The following AKAP19 variants were observed in gnomAD, a reference collection of about 807,000 sequenced individuals.
The protein encoded by AKAP19 is A-kinase anchoring protein 19.
the AKAP19 span, among the ~76,000 whole-genome samples, chr2:190,052,428 A>C: frequency 1.3e-5 from 2 of 152,290 alleles, no homozygotes; most frequent in African/African-American, 4.8e-5. Flanking sequence ...TCAGAATTCT[A>C]TCTCAGCATT....
the AKAP19 span, among the ~76,000 whole-genome samples, chr2:190,049,127 T>C: frequency 6.6e-6 from 1 of 151,926 alleles, no homozygotes; most frequent in African/African-American, 2.4e-5. Context: ...AAAAGAGAAA[T>C]AGAAATCTTG....
chr2:189,920,464 C>A, the AKAP19 span, among the ~76,000 whole-genome samples: 1 of 152,194 alleles, frequency 6.6e-6, no homozygotes, highest in Admixed American at 6.5e-5. Flanking sequence ...TCACACCCAG[C>A]AGCAAGCAAG....
At chr2:190,198,911 C>T in the AKAP19 span, among the ~76,000 whole-genome samples, 1 of 152,172 alleles carries the variant, frequency 6.6e-6, no homozygotes, top group Non-Finnish European at 1.5e-5. Context: ...ATTGACCAAA[C>T]ATCAAACAAG....
At chr2:190,159,226 C>T in the AKAP19 span, among the ~76,000 whole-genome samples, 1 of 152,254 alleles carries the variant, frequency 6.6e-6, no homozygotes, top group African/African-American at 2.4e-5. Context: ...CTAAGGGTCC[C>T]AGGCACTTGG....
At chr2:190,144,468 A>T in the AKAP19 span, among the ~76,000 whole-genome samples, 1 of 152,202 alleles carries the variant, frequency 6.6e-6, no homozygotes, top group Non-Finnish European at 1.5e-5. Flanking sequence ...TGATTCAAAT[A>T]TAAAAATATG....
chr2:190,034,869 A>G, the AKAP19 span, among the ~76,000 whole-genome samples: 1 of 151,174 alleles, frequency 6.6e-6, no homozygotes. Flanking sequence ...AAAAAAAAAA[A>G]AAAAAAAAAA....
the AKAP19 span, among the ~76,000 whole-genome samples, chr2:190,154,086 G>T: frequency 6.6e-6 from 1 of 152,140 alleles, no homozygotes; most frequent in African/African-American, 2.4e-5. Flanking sequence ...CGAAATTTCA[G>T]TATTATCTTA....
At chr2:189,888,668 G>A in the AKAP19 span, among the ~76,000 whole-genome samples, 1 of 152,134 alleles carries the variant, frequency 6.6e-6, no homozygotes, top group African/African-American at 2.4e-5. Flanking sequence ...TCCCTTGTAA[G>A]TTGTATTCCT....
At chr2:190,057,128 T>C in the AKAP19 span, 1 of 918,448 alleles carries the variant, frequency 1.1e-6, no homozygotes, top group Non-Finnish European at 1.7e-6. Flanking sequence ...GTTTACATAC[T>C]GTAGCTTATG....
At chr2:190,112,917 G>A in the AKAP19 span, among the ~76,000 whole-genome samples, 1 of 151,992 alleles carries the variant, frequency 6.6e-6, no homozygotes, top group Non-Finnish European at 1.5e-5. Context: ...TCTAGACTTG[G>A]CCAATTTTAG....
the AKAP19 span, among the ~76,000 whole-genome samples, chr2:190,050,461 G>A: frequency 6.6e-6 from 1 of 152,220 alleles, no homozygotes; most frequent in African/African-American, 2.4e-5. Flanking sequence ...CTAATGTACA[G>A]TGTAGAGTGT....
the AKAP19 span, among the ~76,000 whole-genome samples, chr2:190,082,901 A>G: frequency 1.3e-5 from 2 of 152,238 alleles, no homozygotes; most frequent in Non-Finnish European, 2.9e-5. Flanking sequence ...AGATGCTCAA[A>G]TACATTCTCC....
the AKAP19 span, chr2:190,057,450 C>G: frequency 4.3e-6 from 7 of 1,613,446 alleles, no homozygotes; most frequent in East Asian, 1.3e-4. Context: ...CAAATTCACA[C>G]TCTCCAGAGC....
At chr2:190,184,497 G>T in the AKAP19 span, among the ~76,000 whole-genome samples, 1 of 152,126 alleles carries the variant, frequency 6.6e-6, no homozygotes, top group Non-Finnish European at 1.5e-5. Context: ...GTAGAGAACT[G>T]TTCTGTACAA....
chr2:190,121,700 T>C, the AKAP19 span, among the ~76,000 whole-genome samples: 1 of 152,186 alleles, frequency 6.6e-6, no homozygotes, highest in African/African-American at 2.4e-5. Flanking sequence ...CTAATGGAAG[T>C]ACCATAATGA....
At chr2:190,007,616 G>A in the AKAP19 span, among the ~76,000 whole-genome samples, 1 of 152,098 alleles carries the variant, frequency 6.6e-6, no homozygotes, top group Non-Finnish European at 1.5e-5. Context: ...ATGAATATGT[G>A]CACTTAAGGA....
the AKAP19 span, among the ~76,000 whole-genome samples, chr2:190,033,227 A>G: frequency 6.6e-6 from 1 of 152,204 alleles, no homozygotes. Flanking sequence ...TTTAAATTAT[A>G]TATACTCTAG....
the AKAP19 span, among the ~76,000 whole-genome samples, chr2:189,975,152 A>G: frequency 6.6e-6 from 1 of 152,146 alleles, no homozygotes; most frequent in Admixed American, 6.6e-5. Context: ...TTCTTCCTTC[A>G]GGAACTTTTG....
chr2:189,977,500 A>T, the AKAP19 span, among the ~76,000 whole-genome samples: 2 of 152,230 alleles, frequency 1.3e-5, no homozygotes, highest in Non-Finnish European at 2.9e-5. Context: ...TACAATTTCA[A>T]ATATTGAATG....
Sources: gnomAD v4.1 joint callset for allele counts (sites outside exome capture counted in the v4.1 genomes callset) on GRCh38, gnomAD v4.1.1 for gene constraint, MANE v1.5 for transcripts, NCBI Gene and HGNC (gene_info 2026-07-23, HGNC 2026-07-21) for gene names.